Variants in LRBA observed in about 807,000 individuals in gnomAD.
LRBA encodes the protein lipopolysaccharide-responsive and beige-like anchor protein.
Under a neutral mutation model 330.0 loss-of-function variants are expected in LRBA, and 176 were observed. The observed-to-expected ratio is 0.53, with a 90% CI of 0.47 to 0.60. The LOEUF (loss-of-function observed/expected upper bound fraction) is 0.60. Among genes scored for constraint, LRBA ranks in the 20% least tolerant of loss-of-function variants. The probability of loss-of-function intolerance (pLI) is 0.00; values close to 1 mark genes in which losing one functional copy is unlikely to be tolerated. For synonymous variants in LRBA, 1,230 were observed against 1,193.0 expected, an observed-to-expected ratio of 1.03 and a Z score of -0.64; for missense variants, 3,259 against 3,444.8, an observed-to-expected ratio of 0.95 and a Z score of 1.35.
intron 37 of LRBA, among the ~76,000 whole-genome samples, chr4:150,610,119 G>A (rs1041408033): frequency 6.6e-6 from 1 of 152,058 alleles, no homozygotes; most frequent in Non-Finnish European, 1.5e-5. Context: ...AATTAGAAGA[G>A]GTGCCTTGGG....
intron 4 of LRBA, among the ~76,000 whole-genome samples, chr4:150,922,515 G>T (rs544744682): frequency 2.6e-5 from 4 of 151,862 alleles, no homozygotes; most frequent in African/African-American, 9.6e-5. Context: ...AGTAACTCAG[G>T]AATGGAAAAC....
chr4:150,468,332 A>C (rs1048677434), intron 43 of LRBA, among the ~76,000 whole-genome samples: 4 of 152,052 alleles, frequency 2.6e-5, no homozygotes, highest in Non-Finnish European at 4.4e-5. Flanking sequence ...GTAGTTTTCA[A>C]ATCCTATAAT....
chr4:150,921,960 T>G (rs540828547), intron 4 of LRBA, among the ~76,000 whole-genome samples: 2 of 152,124 alleles, frequency 1.3e-5, no homozygotes, highest in African/African-American at 4.8e-5. Context: ...CAACCTCAGG[T>G]GATCCACCTG....
At chr4:150,960,298 A>G (rs1738003823) in intron 2 of LRBA, among the ~76,000 whole-genome samples, 1 of 148,774 alleles carries the variant, frequency 6.7e-6, no homozygotes, top group Non-Finnish European at 1.5e-5. Context: ...AGCCAAAGGT[A>G]TGGAAGCCAA....
At chr4:150,693,922 T>A (rs1784381157) in intron 36 of LRBA, among the ~76,000 whole-genome samples, 2 of 152,198 alleles carry the variant, frequency 1.3e-5, no homozygotes, top group African/African-American at 4.8e-5. Context: ...ATTTTAATGC[T>A]AAAATAGCAA....
At position 150,815,972 on chromosome 4, in the gene LRBA, C is replaced by T. The variant is rs147718570; in HGVS notation, c.5305+1152G>A. On this transcript the variant is annotated intron_variant, in intron 31 of 56. Transcript: ENST00000651943. ...TTCTTATAAAATGTATTTTTGTTAA[C>T]ACAAGCACAATAACAAATAAAAGAG... 4.3e-3 allele frequency among the ~76,000 whole-genome samples: 648 copies of T among 151,822 alleles called. 4 individuals carry two copies. Among genetic ancestry groups the T allele is most frequent in the African/African-American group, 0.015 (627 of 41,450 alleles).
At chr4:150,489,183 A>AATATATTATATATAAGT (rs1561249801) in intron 41 of LRBA, among the ~76,000 whole-genome samples, 2 of 124,610 alleles carry the variant, frequency 1.6e-5, no homozygotes, top group African/African-American at 6.4e-5. Context: ...ATAAGTATAT[A>AATATATTATATATAAGT]ATATATTATA....
intron 44 of LRBA, among the ~76,000 whole-genome samples, chr4:150,458,384 A>G (rs1034804234): frequency 2.4e-4 from 37 of 151,894 alleles, no homozygotes; most frequent in Non-Finnish European, 5.9e-5. Context: ...CACATTTTAA[A>G]CTAACATGCC....
intron 40 of LRBA, among the ~76,000 whole-genome samples, chr4:150,577,499 T>C (rs1412573655): frequency 6.6e-6 from 1 of 151,992 alleles, no homozygotes; most frequent in Non-Finnish European, 1.5e-5. Flanking sequence ...ACATAGATGT[T>C]TCAAAGTTAG....
chr4:150,648,704 A>G (rs1561469198), intron 37 of LRBA, among the ~76,000 whole-genome samples: 1 of 152,108 alleles, frequency 6.6e-6, no homozygotes, highest in Non-Finnish European at 1.5e-5. Context: ...CATTTTAGAA[A>G]ACGTTGGCAA....
chr4:150,746,193 T>C (rs1732696850), intron 35 of LRBA, among the ~76,000 whole-genome samples: 1 of 152,222 alleles, frequency 6.6e-6, no homozygotes, highest in Non-Finnish European at 1.5e-5. Flanking sequence ...TCATGTGTTT[T>C]GTAAAAATAT....
intron 35 of LRBA, among the ~76,000 whole-genome samples, chr4:150,740,854 T>G (rs764237403): frequency 1.3e-5 from 2 of 152,004 alleles, no homozygotes; most frequent in Non-Finnish European, 2.9e-5. Context: ...ACATGAGACA[T>G]TCTTAAAGAG....
intron 37 of LRBA, among the ~76,000 whole-genome samples, chr4:150,651,937 G>A (rs914097109): frequency 6.6e-6 from 1 of 152,014 alleles, no homozygotes; most frequent in Non-Finnish European, 1.5e-5. Flanking sequence ...TTGATCTCCT[G>A]GGCTCAAGTG....
chr4:150,476,790 T>G (rs968529940), intron 42 of LRBA, among the ~76,000 whole-genome samples: 1 of 152,194 alleles, frequency 6.6e-6, no homozygotes, highest in Non-Finnish European at 1.5e-5. Context: ...AATATATTTT[T>G]GTTACGGCTT....
At chr4:150,373,211 C>T (rs542810777) in intron 47 of LRBA, among the ~76,000 whole-genome samples, 127 of 146,908 alleles carry the variant, frequency 8.6e-4, no homozygotes, top group African/African-American at 3.1e-3. Context: ...GACTATGACC[C>T]AGAGCCACCT....
chr4:150,735,741 G>T (rs779753011), intron 35 of LRBA, among the ~76,000 whole-genome samples: 7 of 152,192 alleles, frequency 4.6e-5, no homozygotes, highest in Admixed American at 6.5e-5. Flanking sequence ...TAAGGCATTT[G>T]CTATTCCCAA....
At chr4:150,886,466 G>A (rs1030677845) in intron 17 of LRBA, among the ~76,000 whole-genome samples, 3 of 152,146 alleles carry the variant, frequency 2.0e-5, no homozygotes, top group African/African-American at 7.2e-5. Context: ...ACCCAAATCA[G>A]AATAGACACC....
chr4:150,970,460 A>G (rs1363659826), intron 2 of LRBA, among the ~76,000 whole-genome samples: 2 of 150,804 alleles, frequency 1.3e-5, no homozygotes, highest in East Asian at 3.9e-4. Context: ...TGATCACACT[A>G]CTGCACTTCA....
At chr4:150,885,081 G>C (rs1261860645) in intron 17 of LRBA, among the ~76,000 whole-genome samples, 1 of 149,326 alleles carries the variant, frequency 6.7e-6, no homozygotes, top group Non-Finnish European at 1.5e-5. Flanking sequence ...TGAATTCAAA[G>C]ATAAATCAAT....
Sources: gnomAD v4.1 joint callset for allele counts (sites outside exome capture counted in the v4.1 genomes callset) on GRCh38, gnomAD v4.1.1 for gene constraint, MANE v1.5 for transcripts, NCBI Gene and HGNC (gene_info 2026-07-23, HGNC 2026-07-21) for gene names.